GRIP1: variants seen among roughly 807,000 people sequenced by gnomAD.
GRIP1 encodes the protein glutamate receptor interacting protein 1.
Under a neutral mutation model 129.9 loss-of-function variants are expected in GRIP1, and 45 were observed. The observed-to-expected ratio is 0.35, with a 90% CI of 0.27 to 0.44. The LOEUF (loss-of-function observed/expected upper bound fraction) is 0.44. Ranked by LOEUF, GRIP1 falls within the 20% of genes least tolerant of loss-of-function variation. The probability of loss-of-function intolerance (pLI) is 1.00; values close to 1 mark genes in which losing one functional copy is unlikely to be tolerated. For synonymous variants in GRIP1, 530 were observed against 520.8 expected (o/e 1.02, Z -0.24); for missense variants, 1,196 against 1,396.8 (o/e 0.86, Z 2.29).
chr12:66,396,994 C>CCAG (rs1427773667), intron 16 of GRIP1, among the ~76,000 whole-genome samples: 4 of 150,534 alleles, frequency 2.7e-5, no homozygotes, highest in Non-Finnish European at 5.9e-5. Context: ...GCCTGTAGTC[C>CCAG]CAGCTATTTA....
chr12:66,736,346 ATTTT>A (rs547706592), intron 1 of GRIP1, among the ~76,000 whole-genome samples: 6 of 67,012 alleles, frequency 9.0e-5, no homozygotes, highest in South Asian at 6.5e-4. Context: ...TGCCTGGCTA[ATTTT>A]TTTTTTTTTT....
At chr12:66,793,208 G>C in intron 1 of GRIP1, among the ~76,000 whole-genome samples, 1 of 152,066 alleles carries the variant, frequency 6.6e-6, no homozygotes, top group East Asian at 1.9e-4. Context: ...TTCACAATTT[G>C]AGTTCTAGGT....
At chr12:66,457,027 GT>G (rs1367977046) in intron 9 of GRIP1, among the ~76,000 whole-genome samples, 4 of 151,840 alleles carry the variant, frequency 2.6e-5, no homozygotes, top group Non-Finnish European at 5.9e-5. Context: ...AATATTTCAC[GT>G]TTTTATATTT....
intron 7 of GRIP1, among the ~76,000 whole-genome samples, chr12:66,505,532 A>C (rs1319476708): frequency 6.6e-6 from 1 of 152,156 alleles, no homozygotes; most frequent in African/African-American, 2.4e-5. Flanking sequence ...AACTTATAAA[A>C]CTGTAAATCA....
intron 1 of GRIP1, among the ~76,000 whole-genome samples, chr12:66,651,669 A>T (rs1405704385): frequency 6.6e-6 from 1 of 152,192 alleles, no homozygotes; most frequent in Non-Finnish European, 1.5e-5. Flanking sequence ...TTACCGGCAC[A>T]CTGGCAACAT....
At position 66,916,515 on chromosome 12, in the gene GRIP1, T is replaced by C. The variant is rs182060950; in HGVS notation, c.58+152535A>G. On this transcript the variant is annotated intron_variant, in intron 1 of 1. Coordinates refer to the GRIP1 transcript ENST00000643019. ...CCCCTTTCAGAAGCCACCAGTGTGCTGTAAAGTGCCTTTCATGTTTAAAAA... is the reference window on the plus strand; with the variant it reads ...CCCCTTTCAGAAGCCACCAGTGTGCCGTAAAGTGCCTTTCATGTTTAAAAA... 5.3e-4 allele frequency among the ~76,000 whole-genome samples: 80 copies of C among 152,336 alleles called. 2 individuals are homozygous for C. Among genetic ancestry groups the C allele is most frequent in the Admixed American group, 5.2e-3 (80 of 15,302 alleles).
chr12:66,756,515 T>A (rs1440260201), intron 1 of GRIP1, among the ~76,000 whole-genome samples: 2 of 152,212 alleles, frequency 1.3e-5, no homozygotes, highest in African/African-American at 4.8e-5. Flanking sequence ...TTGTATCATG[T>A]AATAATGTTT....
chr12:66,456,320 C>T lies in GRIP1; in HGVS notation c.1065G>A (p.Arg355=), dbSNP rs1235298440. ...TGGCCCAGGAATCCCAGGTAAGTTGCCTGTCGCTCCTCTGAATTTTCACTG... is the reference window on the plus strand; with the variant it reads ...TGGCCCAGGAATCCCAGGTAAGTTGTCTGTCGCTCCTCTGAATTTTCACTG... ...PDHVKIQRSD[R]QLTWDSWASN... The change falls in exon 10 of 25, where the codon AGG becomes AGA. Residue 355 remains arginine (R), a synonymous_variant. Coordinates refer to ENST00000359742, the MANE Select transcript of GRIP1 (RefSeq NM_001366722.1). 3 of 1,289,030 alleles carry T rather than the reference C, an allele frequency of 2.3e-6. No homozygotes were observed. The highest frequency in any genetic ancestry group is 4.6e-5 in the Admixed American group (2 of 43,518). 79.8% of individuals were successfully genotyped at this position (1,289,030 alleles called of 1,614,324 possible).
At chr12:66,843,013 T>C (rs1205951037) in intron 1 of GRIP1, among the ~76,000 whole-genome samples, 1 of 152,114 alleles carries the variant, frequency 6.6e-6, no homozygotes, top group East Asian at 1.9e-4. Flanking sequence ...AATTCATCTG[T>C]TTAAAAGAGC....
chr12:66,689,732 T>A (rs1324481891), intron 1 of GRIP1, among the ~76,000 whole-genome samples: 5 of 152,064 alleles, frequency 3.3e-5, no homozygotes. Context: ...TACAGTATTA[T>A]TAACTATAGT....
chr12:67,032,281 T>C (rs2043034086), intron 1 of GRIP1, among the ~76,000 whole-genome samples: 1 of 152,182 alleles, frequency 6.6e-6, no homozygotes, highest in South Asian at 2.1e-4. Context: ...ATATATACAT[T>C]TATTCTCCCC....
intron 1 of GRIP1, among the ~76,000 whole-genome samples, chr12:66,670,970 G>A (rs1402135554): frequency 6.6e-6 from 1 of 152,130 alleles, no homozygotes; most frequent in Non-Finnish European, 1.5e-5. Flanking sequence ...GCATCTCTAT[G>A]AAGCTGCCAG....
intron 1 of GRIP1, among the ~76,000 whole-genome samples, chr12:66,598,031 C>T (rs1164105372): frequency 6.6e-6 from 1 of 151,994 alleles, no homozygotes; most frequent in Non-Finnish European, 1.5e-5. Flanking sequence ...TAAGATGTAT[C>T]GTTGTTGTTA....
chr12:66,460,127 C>A (rs10878427), intron 9 of GRIP1, among the ~76,000 whole-genome samples: 1 of 151,948 alleles, frequency 6.6e-6, no homozygotes, highest in African/African-American at 2.4e-5. Context: ...TAAGACCCCA[C>A]GTGGTGGAGT....
intron 8 of GRIP1, 105 bp from the exon 9 acceptor site, chr12:66,463,198 AT>A (rs3830371): frequency 0.22 from 222,356 of 1,012,164 alleles, 27,571 homozygotes; most frequent in African/African-American, 0.43. Context: ...TTTACTTAAA[AT>A]AAAAGAAAAG....
chr12:66,880,572 A>T (rs1038004802), intron 1 of GRIP1, among the ~76,000 whole-genome samples: 1 of 152,106 alleles, frequency 6.6e-6, no homozygotes, highest in Non-Finnish European at 1.5e-5. Context: ...ATTTATTTTA[A>T]AATTATTTAT....
chr12:66,994,210 G>C (rs1390882243), intron 1 of GRIP1, among the ~76,000 whole-genome samples: 1 of 150,478 alleles, frequency 6.6e-6, no homozygotes, highest in African/African-American at 2.4e-5. Context: ...AAAAAAAAAA[G>C]CTATAGACAA....
At chr12:66,684,356 T>C (rs750998284) in intron 1 of GRIP1, among the ~76,000 whole-genome samples, 1 of 152,186 alleles carries the variant, frequency 6.6e-6, no homozygotes, top group Non-Finnish European at 1.5e-5. Flanking sequence ...TTCCCTTCTT[T>C]GACTCCTGCA....
chr12:66,808,645 T>C (rs2039045076), upstream of GRIP1, among the ~76,000 whole-genome samples: 1 of 152,146 alleles, frequency 6.6e-6, no homozygotes. Flanking sequence ...GTCAAGAGAT[T>C]TCATAAATAA....
Sources: allele counts gnomAD v4.1 joint callset (sites outside exome capture counted in the v4.1 genomes callset), GRCh38; gene constraint gnomAD v4.1.1; transcripts MANE v1.5; gene names NCBI Gene and HGNC (gene_info 2026-07-23, HGNC 2026-07-21).